PTN: variants seen among roughly 807,000 people sequenced by gnomAD.
PTN encodes pleiotrophin.
In PTN, 18 loss-of-function variants were observed where a neutral mutation model predicts 24.1. The observed-to-expected ratio is 0.75, with a 90% CI of 0.52 to 1.11. PTN has a LOEUF of 1.11. Among genes scored for constraint, PTN ranks in the 50% least tolerant of loss-of-function variants. The probability of loss-of-function intolerance (pLI) is 0.00; values close to 1 mark genes in which losing one functional copy is unlikely to be tolerated. For missense variants in PTN, 163 were observed against 198.8 expected (o/e 0.82, Z 1.08); for synonymous variants, 78 against 68.6 (o/e 1.14, Z -0.67).
chr7:137,310,404 GTT>G (rs60905346), intron 1 of PTN, among the ~76,000 whole-genome samples: 12,851 of 115,764 alleles, frequency 0.11, 1,780 homozygotes, highest in African/African-American at 0.37. Context: ...TTTTTTTTTT[GTT>G]TTTTTTTTTT....
intron 1 of PTN, among the ~76,000 whole-genome samples, chr7:137,257,700 T>A (rs146832074): frequency 9.5e-4 from 145 of 152,338 alleles, no homozygotes; most frequent in Admixed American, 2.7e-3. Flanking sequence ...AATATATTTC[T>A]TTCCAAGTTA....
intron 1 of PTN, among the ~76,000 whole-genome samples, chr7:137,264,578 G>A (rs567793304): frequency 2.0e-5 from 3 of 152,240 alleles, no homozygotes; most frequent in Non-Finnish European, 4.4e-5. Context: ...GGATGGTCTT[G>A]GAGGTTGGAC....
intron 4 of PTN, among the ~76,000 whole-genome samples, chr7:137,244,525 C>T (rs1478137449): frequency 1.3e-5 from 2 of 151,612 alleles, no homozygotes; most frequent in Non-Finnish European, 2.9e-5. Flanking sequence ...TGCTATCCCT[C>T]CCCCCTCCTC....
intron 4 of PTN, among the ~76,000 whole-genome samples, chr7:137,240,990 T>G (rs1808618358): frequency 6.6e-6 from 1 of 152,184 alleles, no homozygotes; most frequent in Admixed American, 6.5e-5. Context: ...TTTAATTGAC[T>G]CACAGTTCTG....
intron 1 of PTN, among the ~76,000 whole-genome samples, chr7:137,278,976 A>AATAATC (rs1292183253): frequency 6.8e-6 from 1 of 147,564 alleles, no homozygotes; most frequent in Non-Finnish European, 1.5e-5. Flanking sequence ...TAATAATAAT[A>AATAATC]ATAATAAAAT....
chr7:137,240,161 A>G (rs975721560), intron 4 of PTN, among the ~76,000 whole-genome samples: 1 of 152,150 alleles, frequency 6.6e-6, no homozygotes, highest in Admixed American at 6.5e-5. Flanking sequence ...ACTTATGCCA[A>G]GAGGTATTTA....
intron 1 of PTN, among the ~76,000 whole-genome samples, chr7:137,287,099 GC>G (rs1809567925): frequency 6.6e-6 from 1 of 152,110 alleles, no homozygotes; most frequent in Admixed American, 6.5e-5. Flanking sequence ...GTAATCATCA[GC>G]TATCCCATTT....
At chr7:137,337,214 T>TCTAA (rs1216608615) in intron 1 of PTN, among the ~76,000 whole-genome samples, 1 of 152,202 alleles carries the variant, frequency 6.6e-6, no homozygotes, top group Admixed American at 6.5e-5. Flanking sequence ...TTATTTGACC[T>TCTAA]CTAACTGTAC....
chr7:137,244,555 G>A (rs1320760192), intron 4 of PTN, among the ~76,000 whole-genome samples: 5 of 135,618 alleles, frequency 3.7e-5, no homozygotes, highest in East Asian at 2.3e-4. Flanking sequence ...AACAAGCCCC[G>A]GTGTGTGATG....
At chr7:137,324,205 T>C (rs1430375126) in intron 1 of PTN, among the ~76,000 whole-genome samples, 1 of 151,630 alleles carries the variant, frequency 6.6e-6, no homozygotes, top group Admixed American at 6.6e-5. Flanking sequence ...CTTTAGTGTG[T>C]CTGAAAGTAG....
chr7:137,281,583 A>C (rs1475440912), intron 1 of PTN, among the ~76,000 whole-genome samples: 1 of 152,218 alleles, frequency 6.6e-6, no homozygotes, highest in Non-Finnish European at 1.5e-5. Flanking sequence ...GACGAGATTA[A>C]GATCCCCAGC....
At chr7:137,256,817 C>A (rs947195142) in intron 1 of PTN, among the ~76,000 whole-genome samples, 1 of 151,726 alleles carries the variant, frequency 6.6e-6, no homozygotes. Context: ...CAAAACAAAA[C>A]AAAACAAAAC....
At chr7:137,311,444 T>A (rs1409364132) in intron 1 of PTN, among the ~76,000 whole-genome samples, 10 of 152,302 alleles carry the variant, frequency 6.6e-5, no homozygotes, top group Admixed American at 3.3e-4. Context: ...GCATTCACAA[T>A]TTGGCTGTTT....
chr7:137,315,351 G>GAA (rs143291701), intron 1 of PTN, among the ~76,000 whole-genome samples: 1 of 140,462 alleles, frequency 7.1e-6, no homozygotes, highest in Admixed American at 7.1e-5. Context: ...ACACTTACAC[G>GAA]AAAAAAAAAA....
At chr7:137,319,832 C>T (rs140874218) in intron 1 of PTN, among the ~76,000 whole-genome samples, 4 of 152,242 alleles carry the variant, frequency 2.6e-5, no homozygotes, top group African/African-American at 4.8e-5. Context: ...TGGTCTTGTA[C>T]GTTTAGGATA....
At chr7:137,337,764 G>A (rs1214048400) in intron 1 of PTN, among the ~76,000 whole-genome samples, 1 of 152,182 alleles carries the variant, frequency 6.6e-6, no homozygotes, top group East Asian at 1.9e-4. Context: ...GAGGTTCAAA[G>A]TTGAGAATGG....
intron 1 of PTN, among the ~76,000 whole-genome samples, chr7:137,319,648 G>A (rs1202421957): frequency 2.6e-5 from 4 of 152,192 alleles, no homozygotes; most frequent in African/African-American, 4.8e-5. Context: ...ATCTCAAAAT[G>A]TCTCTGTGTG....
At chr7:137,301,128 C>T (rs1481468516) in intron 1 of PTN, among the ~76,000 whole-genome samples, 1 of 151,982 alleles carries the variant, frequency 6.6e-6, no homozygotes, top group African/African-American at 2.4e-5. Flanking sequence ...AACATCCTTA[C>T]ATGACTAGAG....
chr7:137,341,917 G>C (rs1432251387), intron 1 of PTN, among the ~76,000 whole-genome samples: 1 of 151,848 alleles, frequency 6.6e-6, no homozygotes, highest in African/African-American at 2.4e-5. Context: ...TACAAATATT[G>C]CCAGTCTGAA....
Sources: gnomAD v4.1 joint callset for allele counts (sites outside exome capture counted in the v4.1 genomes callset) on GRCh38, gnomAD v4.1.1 for gene constraint, MANE v1.5 for transcripts, NCBI Gene and HGNC (gene_info 2026-07-23, HGNC 2026-07-21) for gene names.